The following CCDC141 variants were observed in gnomAD, a reference collection of about 807,000 sequenced individuals.
CCDC141 encodes the protein coiled-coil domain-containing protein 141.
CCDC141 carries 168 observed loss-of-function variants against 181.0 expected under a neutral mutation model. The observed-to-expected ratio is 0.93, with a 90% CI of 0.82 to 1.05. CCDC141 has a LOEUF of 1.05. Among genes scored for constraint, CCDC141 ranks in the 50% least tolerant of loss-of-function variants. The pLI is 0.00. For missense variants in CCDC141, 1,902 were observed against 1,788.5 expected (o/e 1.06, Z -1.14); for synonymous variants, 666 against 642.3 (o/e 1.04, Z -0.56).
intron 17 of CCDC141, among the ~76,000 whole-genome samples, chr2:178,864,842 T>G (rs1468039264): frequency 6.6e-6 from 1 of 152,248 alleles, no homozygotes; most frequent in East Asian, 1.9e-4. Flanking sequence ...GTGAAGAAAG[T>G]TTACTGCCTC....
chr2:178,914,574 C>T (rs1018592860), intron 7 of CCDC141, among the ~76,000 whole-genome samples: 1 of 152,194 alleles, frequency 6.6e-6, no homozygotes, highest in African/African-American at 2.4e-5. Flanking sequence ...TAAAGGTAAT[C>T]AATTGCACTC....
At chr2:178,920,958 ATAT>A (rs1159563045) in intron 6 of CCDC141, among the ~76,000 whole-genome samples, 4 of 152,254 alleles carry the variant, frequency 2.6e-5, no homozygotes, top group African/African-American at 7.2e-5. Context: ...CTTAAATTAG[ATAT>A]TATTATTTTT....
chr2:178,836,398 A>C (rs1561619228), intron 23 of CCDC141: 1 of 153,252 alleles, frequency 6.5e-6, no homozygotes, highest in Non-Finnish European at 1.5e-5. Flanking sequence ...AATTTGTAAA[A>C]AGAAATCCTA....
intron 2 of CCDC141, among the ~76,000 whole-genome samples, chr2:178,985,009 A>G (rs970484407): frequency 6.6e-6 from 1 of 151,278 alleles, no homozygotes; most frequent in African/African-American, 2.4e-5. Context: ...TCAATAGAAT[A>G]TACATTTTTT....
In CCDC141 at chr2:178,921,562, GT is replaced by G. The variant is rs199857196; in HGVS notation, c.898-2656del. Among the ~76,000 whole-genome samples, 3 of 149,850 alleles carry G rather than the reference GT, an allele frequency of 2.0e-5. No individual in the cohort carries two copies. The East Asian group carries it at 5.8e-4, about 29-fold the overall frequency. On this transcript the variant is annotated intron_variant, in intron 6 of 23. Coordinates refer to ENST00000443758, the MANE Select transcript of CCDC141 (RefSeq NM_173648.4). Reference sequence around the variant, plus strand: ...TTTTTTGTGGTTTTCGTTTGTTTTTGTTTTTTTTTACTGCAGTACTTCTTGG... The same window carrying G: ...TTTTTTGTGGTTTTCGTTTGTTTTTGTTTTTTTTACTGCAGTACTTCTTGG...
chr2:178,971,860 G>T (rs58015806), intron 4 of CCDC141, among the ~76,000 whole-genome samples: 2,184 of 152,174 alleles, frequency 0.014, 54 homozygotes, highest in African/African-American at 0.05. Context: ...TCACTCATAA[G>T]TGGGAGTTGA....
chr2:178,910,900 G>T (rs914673586), intron 7 of CCDC141, among the ~76,000 whole-genome samples: 6 of 152,200 alleles, frequency 3.9e-5, no homozygotes, highest in African/African-American at 1.4e-4. Flanking sequence ...AGAGGTTTGG[G>T]ATTGAAAGTG....
intron 19 of CCDC141, among the ~76,000 whole-genome samples, chr2:178,854,473 G>T (rs998697634): frequency 2.6e-5 from 4 of 152,074 alleles, no homozygotes; most frequent in Admixed American, 6.6e-5. Flanking sequence ...GCAGTGAGTC[G>T]AGATCACGTC....
Position 178,865,768 on chromosome 2 carries a change from T to C in CCDC141, c.2723A>G (p.Glu908Gly). Residue 908 changes from glutamate (E) to glycine (G), a missense_variant and splice_region_variant, in exon 17 of 24, where the codon GAG becomes GGG. Coordinates refer to ENST00000443758, the MANE Select transcript of CCDC141 (RefSeq NM_173648.4). ...AGTTCTCACCCCTCCCACACCCACCTCATTTATCTCGTCTCTCATGGCGCA... is the reference window on the plus strand; with the variant it reads ...AGTTCTCACCCCTCCCACACCCACCCCATTTATCTCGTCTCTCATGGCGCA... ...EYCAMRDEINELKDSFKDIKK... is the reference protein window; with the variant it reads ...EYCAMRDEINGLKDSFKDIKK... 6.6e-7 allele frequency: 1 copy of C among 1,513,582 alleles called. No homozygotes were observed. Among genetic ancestry groups the C allele is most frequent in the Non-Finnish European group, 8.9e-7 (1 of 1,129,314 alleles). 93.8% of individuals were successfully genotyped at this position (1,513,582 alleles called of 1,614,324 possible). A position where few individuals can be genotyped will look rare whatever the true frequency, so the allele number is the denominator to read the frequency against.
At chr2:178,973,418 T>C (rs1446618717) in intron 4 of CCDC141, among the ~76,000 whole-genome samples, 1 of 152,224 alleles carries the variant, frequency 6.6e-6, no homozygotes, top group Non-Finnish European at 1.5e-5. Context: ...CTAGCATTTT[T>C]ATCCATCTCT....
chr2:178,868,460 G>T (rs1036236287), intron 15 of CCDC141, among the ~76,000 whole-genome samples: 1 of 151,948 alleles, frequency 6.6e-6, no homozygotes, highest in Non-Finnish European at 1.5e-5. Context: ...GCAAGATCTA[G>T]GTCTGTGCTC....
chr2:178,901,722 C>G (rs1016086757), intron 8 of CCDC141, among the ~76,000 whole-genome samples: 11 of 151,424 alleles, frequency 7.3e-5, no homozygotes, highest in Admixed American at 6.6e-4. Context: ...TCTCTCACCA[C>G]TCCTATTCAA....
In CCDC141 at chr2:178,918,813, TGA is replaced by T; in HGVS notation, c.990_991del (p.His331ProfsTer26). 1 of 1,550,638 alleles carries T rather than the reference TGA, an allele frequency of 6.4e-7. No homozygotes were observed. Among genetic ancestry groups the T allele is most frequent in the Non-Finnish European group, 8.7e-7 (1 of 1,146,982 alleles). ...TTCTTGAAGCTGACTGAGTTTCTGG[TGA>T]GAGAGCTGGAGGTGTTCTTTCTCCA... On this transcript the variant is annotated frameshift_variant, in exon 7 of 24. Coordinates refer to ENST00000443758, the MANE Select transcript of CCDC141 (RefSeq NM_173648.4). LOFTEE classifies it high-confidence loss of function.
chr2:178,828,604 G>C (rs550893785), downstream of CCDC141, among the ~76,000 whole-genome samples: 3 of 152,316 alleles, frequency 2.0e-5, no homozygotes, highest in South Asian at 6.2e-4. Flanking sequence ...GCAGCTGCTA[G>C]AGGAGCGGTT....
At position 178,845,759 on chromosome 2, in the gene CCDC141, T is replaced by G; in HGVS notation, c.3358-17A>C. On this transcript the variant is annotated splice_polypyrimidine_tract_variant and intron_variant, in intron 21 of 23. Coordinates refer to ENST00000443758, the MANE Select transcript of CCDC141 (RefSeq NM_173648.4). Reference sequence around the variant, plus strand: ...ATCTCCCTGCTGTACAAAGCAACAGTTAGTGAGAGCATGAGCCAGGAAAGT... The same window carrying G: ...ATCTCCCTGCTGTACAAAGCAACAGGTAGTGAGAGCATGAGCCAGGAAAGT... The G allele has an allele frequency of 6.9e-7, 1 of 1,459,116 alleles. No individual in the cohort carries two copies. The highest frequency in any genetic ancestry group is 9.6e-7 in the Non-Finnish European group (1 of 1,038,944). The allele number at this position is 1,459,116 out of a possible 1,614,324, so 90.4% of individuals were successfully genotyped here.
chr2:179,027,679 A>C (rs2042890682), intron 2 of CCDC141, among the ~76,000 whole-genome samples: 1 of 111,260 alleles, frequency 9.0e-6, no homozygotes, highest in Admixed American at 9.5e-5. Flanking sequence ...AAAAAAAAAA[A>C]AAGTTTCCCT....
Position 178,832,492 on chromosome 2 carries a change from A to AC in CCDC141, c.*1680dup, listed in dbSNP as rs1684295987. The AC allele has an allele frequency of 6.6e-6, 1 of 151,010 alleles. No homozygotes were observed. Among genetic ancestry groups the AC allele is most frequent in the Non-Finnish European group, 1.5e-5 (1 of 67,826 alleles). 9.4% of individuals were successfully genotyped at this position (151,010 alleles called of 1,614,324 possible). A position where few individuals can be genotyped will look rare whatever the true frequency, so the allele number is the denominator to read the frequency against. ...AAAAAAAAAAAAAAAAACAAAAAAA[A>AC]CAAAAAAAAGATAGTTAAGAGAAAT... On this transcript the variant is annotated 3_prime_UTR_variant, in exon 24 of 24. Transcript: ENST00000443758.
intron 11 of CCDC141, among the ~76,000 whole-genome samples, chr2:178,884,392 A>G (rs937700229): frequency 6.6e-6 from 1 of 151,928 alleles, no homozygotes; most frequent in Non-Finnish European, 1.5e-5. Context: ...CATAGCCTCT[A>G]CTCCCTATTT....
intron 2 of CCDC141, among the ~76,000 whole-genome samples, chr2:179,017,869 A>G (rs948667993): frequency 2.6e-5 from 4 of 152,160 alleles, no homozygotes; most frequent in African/African-American, 9.6e-5. Context: ...AGAGCAGCCC[A>G]TGAAAAATGG....
Sources: allele counts gnomAD v4.1 joint callset (sites outside exome capture counted in the v4.1 genomes callset), GRCh38; gene constraint gnomAD v4.1.1; transcripts MANE v1.5; gene names NCBI Gene and HGNC (gene_info 2026-07-23, HGNC 2026-07-21).